Variants in USH2A observed in about 807,000 individuals in gnomAD.
The protein encoded by USH2A is usherin.
In USH2A, 443 loss-of-function variants were observed where a neutral mutation model predicts 538.9. The ratio of observed to expected loss-of-function variants is 0.82; its 90% CI spans 0.76 to 0.89. The LOEUF is 0.89. USH2A is among the 40% of genes least tolerant of loss of function. USH2A has a pLI of 0.00. For synonymous variants in USH2A, 2,413 were observed against 2,273.5 expected (o/e 1.06, Z -1.75); for missense variants, 6,633 against 6,324.8 (o/e 1.05, Z -1.65).
chr1:216,068,822 A>G (rs1259417302), intron 30 of USH2A, among the ~76,000 whole-genome samples: 1 of 152,206 alleles, frequency 6.6e-6, no homozygotes, highest in East Asian at 1.9e-4. Flanking sequence ...GCATGCATTC[A>G]TTCATCCAAC....
At chr1:216,231,796 G>A (rs530309052) in intron 14 of USH2A, among the ~76,000 whole-genome samples, 157 bp downstream of exon 14, 7 of 152,164 alleles carry the variant, frequency 4.6e-5, no homozygotes, top group African/African-American at 1.7e-4. Context: ...CTCGTGATCC[G>A]CCTGCCTTGG....
At chr1:215,863,947 A>G (rs900782231) in intron 44 of USH2A, among the ~76,000 whole-genome samples, 1 of 152,144 alleles carries the variant, frequency 6.6e-6, no homozygotes, top group African/African-American at 2.4e-5. Flanking sequence ...ACAGTAAAGT[A>G]GACAATATTT....
At chr1:216,147,804 C>A (rs1475762588) in intron 21 of USH2A, among the ~76,000 whole-genome samples, 2 of 151,284 alleles carry the variant, frequency 1.3e-5, no homozygotes, top group Non-Finnish European at 2.9e-5. Context: ...AGAACCTCCT[C>A]CCCCAGGAGC....
intron 21 of USH2A, among the ~76,000 whole-genome samples, chr1:216,135,161 CT>C (rs2033458734): frequency 9.1e-6 from 1 of 110,174 alleles, no homozygotes; most frequent in Non-Finnish European, 1.8e-5. Flanking sequence ...CTCTCTCTCT[CT>C]CTCTCACACA....
chr1:215,891,197 A>G (rs189170351), intron 40 of USH2A, among the ~76,000 whole-genome samples: 1 of 152,300 alleles, frequency 6.6e-6, no homozygotes, highest in East Asian at 1.9e-4. Context: ...ATGATCTCTT[A>G]TCTTGGGAAA....
intron 26 of USH2A, among the ~76,000 whole-genome samples, chr1:216,081,938 G>A (rs947259754): frequency 1.3e-5 from 2 of 151,272 alleles, no homozygotes; most frequent in Non-Finnish European, 2.9e-5. Context: ...GTTACTTAAA[G>A]TTAACAGTAT....
chr1:215,901,930 A>G (rs760921368), intron 38 of USH2A, among the ~76,000 whole-genome samples: 29 of 152,178 alleles, frequency 1.9e-4, no homozygotes, highest in Admixed American at 3.9e-4. Flanking sequence ...TCTCTAAAGT[A>G]GGTATAATAT....
chr1:215,656,189 T>C (rs1219684751), intron 64 of USH2A, among the ~76,000 whole-genome samples: 2 of 152,246 alleles, frequency 1.3e-5, no homozygotes, highest in African/African-American at 2.4e-5. Flanking sequence ...CCTCGCTCAA[T>C]GTCTCATATC....
chr1:216,261,620 T>G (rs748024079), intron 11 of USH2A, among the ~76,000 whole-genome samples: 2 of 151,976 alleles, frequency 1.3e-5, no homozygotes, highest in Non-Finnish European at 2.9e-5. Context: ...TAGTATAAAA[T>G]ACACATTTTC....
intron 64 of USH2A, among the ~76,000 whole-genome samples, chr1:215,655,667 A>G (rs1657218166): frequency 6.6e-6 from 1 of 150,862 alleles, no homozygotes; most frequent in Non-Finnish European, 1.5e-5. Context: ...GGGGAAATGT[A>G]TCAGAAATCT....
intron 70 of USH2A, among the ~76,000 whole-genome samples, chr1:215,629,844 C>T (rs1297254303): frequency 1.4e-5 from 2 of 143,980 alleles, no homozygotes; most frequent in African/African-American, 5.3e-5. Flanking sequence ...GGTGCAATCT[C>T]GGCTCACTGC....
intron 3 of USH2A, among the ~76,000 whole-genome samples, chr1:216,406,327 C>T (rs1022854567): frequency 1.3e-5 from 2 of 151,974 alleles, no homozygotes; most frequent in Admixed American, 1.3e-4. Context: ...CTCACAAGTG[C>T]CTGTGAACCT....
intron 32 of USH2A, among the ~76,000 whole-genome samples, chr1:216,037,807 G>GTTT (rs34447404): frequency 2.0e-5 from 3 of 147,066 alleles, no homozygotes; most frequent in Admixed American, 6.8e-5. Context: ...GTACCCATTA[G>GTTT]TTTTTTTTTT....
rs150219374 is a variant in USH2A, at chr1:215,693,533, A to G, written c.12067-13157T>C. On this transcript the variant is annotated intron_variant, in intron 61 of 71. Coordinates refer to ENST00000307340, the MANE Select transcript of USH2A (RefSeq NM_206933.4). ...GTAAAATGTACTTGTGAAGTGTATT[A>G]GTAGTTCCAGTGTTTTCATTTCAAG... is the stretch of plus-strand genomic sequence containing the variant. Among the ~76,000 whole-genome samples, 119 of 152,310 alleles carry G rather than the reference A, an allele frequency of 7.8e-4. 1 individual carries two copies. The East Asian group carries it at 0.02, about 26-fold the overall frequency.
chr1:216,399,734 A>G (rs1346030159), intron 3 of USH2A, among the ~76,000 whole-genome samples: 1 of 152,072 alleles, frequency 6.6e-6, no homozygotes, highest in Non-Finnish European at 1.5e-5. Context: ...TGTCACCATG[A>G]GGGGCAACAA....
chr1:216,090,634 T>A (rs531736552), intron 22 of USH2A, among the ~76,000 whole-genome samples: 25 of 152,252 alleles, frequency 1.6e-4, no homozygotes, highest in African/African-American at 5.8e-4. Context: ...CAACCCTATT[T>A]CAACATTTTA....
At chr1:216,270,512 T>C (rs1386772431) in intron 11 of USH2A, among the ~76,000 whole-genome samples, 1 of 152,130 alleles carries the variant, frequency 6.6e-6, no homozygotes, top group Non-Finnish European at 1.5e-5. Context: ...TTTCACATTG[T>C]TCTATACATC....
chr1:216,122,614 A>G (rs1262537522), intron 21 of USH2A, among the ~76,000 whole-genome samples: 1 of 152,190 alleles, frequency 6.6e-6, no homozygotes. Context: ...GGAGTGGTAT[A>G]TGTGGGTCTT....
At chr1:215,662,796 T>A (rs556247166) in intron 64 of USH2A, among the ~76,000 whole-genome samples, 1 of 152,246 alleles carries the variant, frequency 6.6e-6, no homozygotes, top group East Asian at 1.9e-4. Context: ...TGGGAGAAAT[T>A]AACCAGACAA....
Sources: gnomAD v4.1 joint callset for allele counts (sites outside exome capture counted in the v4.1 genomes callset) on GRCh38, gnomAD v4.1.1 for gene constraint, MANE v1.5 for transcripts, NCBI Gene and HGNC (gene_info 2026-07-23, HGNC 2026-07-21) for gene names.